Variants in DIAPH2 observed in about 807,000 individuals in gnomAD.
DIAPH2 encodes the protein protein diaphanous homolog 2.
A neutral mutation model predicts 92.7 loss-of-function variants in DIAPH2; 35 were observed. That is an observed-to-expected ratio of 0.38 (90% CI 0.29 to 0.50). The LOEUF (loss-of-function observed/expected upper bound fraction) is 0.50. Among genes scored for constraint, DIAPH2 ranks in the 20% least tolerant of loss-of-function variants. The probability of loss-of-function intolerance (pLI) is 0.94; values close to 1 mark genes in which losing one functional copy is unlikely to be tolerated. For missense variants in DIAPH2, 701 were observed against 819.5 expected, an observed-to-expected ratio of 0.86 and a Z score of 1.77; for synonymous variants, 301 against 280.4, an observed-to-expected ratio of 1.07 and a Z score of -0.73.
chrX:96,921,188 C>T (rs773972971), intron 9 of DIAPH2, among the ~76,000 whole-genome samples: 12 of 111,602 alleles, frequency 1.1e-4, no homozygotes, highest in African/African-American at 3.9e-4. Context: ...ATTTTCCCCC[C>T]TTTTTGGGGT....
At chrX:96,962,484 C>CACACATATATATATACATATATATAT in intron 16 of DIAPH2, among the ~76,000 whole-genome samples, 1 of 16,824 alleles carries the variant, frequency 5.9e-5, no homozygotes, top group East Asian at 1.6e-3. Flanking sequence ...TATATACACA[C>CACACATATATATATACATATATATAT]ACACACACAC....
chrX:97,381,223 A>G lies in DIAPH2; in HGVS notation c.3010-2686A>G, dbSNP rs540135233. ...TACAGAAATAGCATGATTCAAGTTCATGTACAATATAATGCCTATCAATAA... is the reference window on the plus strand; with the variant it reads ...TACAGAAATAGCATGATTCAAGTTCGTGTACAATATAATGCCTATCAATAA... On this transcript the variant is annotated intron_variant, in intron 24 of 26. Transcript: ENST00000324765. Among the ~76,000 whole-genome samples, 413 of 111,808 alleles carry G rather than the reference A, an allele frequency of 3.7e-3. 1 individual carries two copies. Among genetic ancestry groups the G allele is most frequent in the African/African-American group, 0.013 (394 of 30,881 alleles).
At position 96,749,145 on chromosome X, in the gene DIAPH2, AATATAT is replaced by A. The variant is rs56745873; in HGVS notation, c.343-8992_343-8987del. ...CCCCATCAGAAAAAAAAAAAAAAAA[AATATAT>A]ATATATATATATATATGTTTGAGTA... On this transcript the variant is annotated intron_variant, in intron 3 of 26. Transcript: ENST00000324765. Among the ~76,000 whole-genome samples the A allele has an allele frequency of 7.5e-5, 6 of 79,804 alleles. 1 individual carries two copies. Among genetic ancestry groups the A allele is most frequent in the African/African-American group, 2.6e-4 (5 of 19,518 alleles). The allele number at this position is 79,804 out of a possible 115,157, so 69.3% of individuals were successfully genotyped here.
At chrX:96,736,412 A>G (rs748719447) in intron 2 of DIAPH2, among the ~76,000 whole-genome samples, 1 of 110,969 alleles carries the variant, frequency 9.0e-6, no homozygotes, top group African/African-American at 3.3e-5. Flanking sequence ...TCTTTTTGAG[A>G]CAGAGTCTCG....
chrX:96,887,081 C>T (rs1209445347), intron 5 of DIAPH2, among the ~76,000 whole-genome samples: 1 of 110,448 alleles, frequency 9.1e-6, no homozygotes, highest in African/African-American at 3.3e-5. Flanking sequence ...ATTACTCCTC[C>T]CAACGCTTAT....
At chrX:97,149,507 G>A (rs1244889507) in intron 22 of DIAPH2, among the ~76,000 whole-genome samples, 3 of 109,791 alleles carry the variant, frequency 2.7e-5, no homozygotes, top group Non-Finnish European at 3.8e-5. Context: ...CGAGATGGGC[G>A]GATCACGAGG....
chrX:97,189,827 A>C (rs1254377997), intron 22 of DIAPH2, among the ~76,000 whole-genome samples: 1 of 112,721 alleles, frequency 8.9e-6, no homozygotes, highest in African/African-American at 3.2e-5. Flanking sequence ...AGAGATGCTT[A>C]ACTAGGCAGG....
chrX:97,302,923 G>A (rs747254158), intron 23 of DIAPH2, among the ~76,000 whole-genome samples: 3 of 112,140 alleles, frequency 2.7e-5, no homozygotes, highest in Non-Finnish European at 5.6e-5. Flanking sequence ...GGCGGAGGTT[G>A]CAGTGAGCCG....
At chrX:97,068,690 A>T (rs1202966627) in intron 17 of DIAPH2, among the ~76,000 whole-genome samples, 4 of 112,184 alleles carry the variant, frequency 3.6e-5, no homozygotes, top group Non-Finnish European at 7.5e-5. Flanking sequence ...CAATATGTTA[A>T]AAAATTATTT....
At chrX:96,714,268 T>G (rs2063936446) in intron 1 of DIAPH2, among the ~76,000 whole-genome samples, 1 of 105,444 alleles carries the variant, frequency 9.5e-6, no homozygotes, top group East Asian at 2.9e-4. Context: ...TGTGTGTGTT[T>G]TTTTTTTTTT....
At chrX:97,571,370 G>A (rs182097617) in intron 26 of DIAPH2, among the ~76,000 whole-genome samples, 81 of 111,444 alleles carry the variant, frequency 7.3e-4, no homozygotes, top group Non-Finnish European at 1.1e-3. Flanking sequence ...TATGATTATC[G>A]TCTTTAAAAT....
intron 23 of DIAPH2, among the ~76,000 whole-genome samples, chrX:97,310,368 T>C (rs1190984235): frequency 1.8e-5 from 2 of 111,623 alleles, no homozygotes; most frequent in African/African-American, 6.5e-5. Flanking sequence ...AATAAAGACA[T>C]TGCAAAGTAT....
At chrX:97,483,608 T>C (rs943690399) in intron 26 of DIAPH2, among the ~76,000 whole-genome samples, 7 of 112,132 alleles carry the variant, frequency 6.2e-5, no homozygotes, top group Non-Finnish European at 1.3e-4. Flanking sequence ...AGATCAGTCC[T>C]TTAACTTTGT....
At position 97,539,266 on chromosome X, in the gene DIAPH2, A is replaced by G. The variant is rs958323782; in HGVS notation, c.3242-59987A>G. ...AGGCATTGCAGCTTGAAAAAAATAC[A>G]GTCAGATTTTCAATTATGATTAGAG... On this transcript the variant is annotated intron_variant, in intron 26 of 26. Transcript: ENST00000324765. Among the ~76,000 whole-genome samples the G allele has an allele frequency of 4.5e-5, 5 of 111,594 alleles. No individual in the cohort carries two copies. The Admixed American group carries it at 4.8e-4, about 11-fold the overall frequency.
chrX:97,420,385 T>C (rs2069996023), intron 25 of DIAPH2, among the ~76,000 whole-genome samples: 1 of 112,077 alleles, frequency 8.9e-6, no homozygotes, highest in African/African-American at 3.2e-5. Flanking sequence ...CCATCCTTCA[T>C]CATTTATCAG....
At chrX:96,828,412 A>G (rs1472730101) in intron 4 of DIAPH2, among the ~76,000 whole-genome samples, 5 of 112,141 alleles carry the variant, frequency 4.5e-5, no homozygotes, top group African/African-American at 1.3e-4. Flanking sequence ...CTGTGTTTCA[A>G]TGCCAGTGCC....
At chrX:97,263,178 C>T (rs1402745542) in intron 23 of DIAPH2, among the ~76,000 whole-genome samples, 1 of 111,880 alleles carries the variant, frequency 8.9e-6, no homozygotes, top group Non-Finnish European at 1.9e-5. Flanking sequence ...AGATTTTTTT[C>T]CTCTATCATA....
chrX:97,531,157 C>T lies in DIAPH2; in HGVS notation c.3242-68096C>T, dbSNP rs143109846. Reference sequence around the variant, plus strand: ...TTTAATTTTCTCTAGAAACACTCATCGACTTGATTAGAAATAATAGAGATA... The same window carrying T: ...TTTAATTTTCTCTAGAAACACTCATTGACTTGATTAGAAATAATAGAGATA... On this transcript the variant is annotated intron_variant, in intron 26 of 26. Transcript: ENST00000324765. Among the ~76,000 whole-genome samples, 292 of 111,526 alleles carry T rather than the reference C, an allele frequency of 2.6e-3. 1 individual carries two copies. The highest frequency in any genetic ancestry group is 8.9e-3 in the African/African-American group (272 of 30,720).
chrX:97,269,237 A>G (rs760361731), intron 23 of DIAPH2, among the ~76,000 whole-genome samples: 1 of 111,728 alleles, frequency 9.0e-6, no homozygotes, highest in Admixed American at 9.6e-5. Context: ...TTGTGGTGAA[A>G]AAGGCCCAGC....
Sources: gnomAD v4.1 joint callset for allele counts (sites outside exome capture counted in the v4.1 genomes callset) on GRCh38, gnomAD v4.1.1 for gene constraint, MANE v1.5 for transcripts, NCBI Gene and HGNC (gene_info 2026-07-23, HGNC 2026-07-21) for gene names.